The following PXDNL variants were observed in gnomAD, a reference collection of about 807,000 sequenced individuals.
PXDNL encodes peroxidasin like.
PXDNL carries 145 observed loss-of-function variants against 150.8 expected under a neutral mutation model. The ratio of observed to expected loss-of-function variants is 0.96; its 90% confidence interval spans 0.84 to 1.10. The LOEUF (loss-of-function observed/expected upper bound fraction) is 1.10, where lower values mean the gene tolerates loss of function less well. Ranked by LOEUF, PXDNL falls within the 50% of genes least tolerant of loss-of-function variation. PXDNL has a pLI of 0.00. For synonymous variants in PXDNL, 757 were observed against 725.7 expected (o/e 1.04, Z -0.69); for missense variants, 2,087 against 1,873.9 (o/e 1.11, Z -2.10).
chr8:51,795,313 A>C (rs1257244985), intron 1 of PXDNL, among the ~76,000 whole-genome samples: 1 of 152,232 alleles, frequency 6.6e-6, no homozygotes, highest in Non-Finnish European at 1.5e-5. Context: ...TATCTACAGA[A>C]CTCTCCATCC....
chr8:51,808,378 TTC>T (rs2037700758), intron 1 of PXDNL, among the ~76,000 whole-genome samples: 2 of 152,240 alleles, frequency 1.3e-5, no homozygotes, highest in South Asian at 4.1e-4. Flanking sequence ...TGTCGTCTTT[TTC>T]TTTCTTTAAA....
At chr8:51,438,250 C>A (rs1384208671) in intron 12 of PXDNL, among the ~76,000 whole-genome samples, 1 of 152,014 alleles carries the variant, frequency 6.6e-6, no homozygotes. Flanking sequence ...CAAAAGCAGT[C>A]TAAAAATTCA....
At chr8:51,706,815 G>C (rs1206977375) in intron 1 of PXDNL, among the ~76,000 whole-genome samples, 2 of 152,176 alleles carry the variant, frequency 1.3e-5, no homozygotes, top group Admixed American at 6.5e-5. Context: ...TCTTTGCTAA[G>C]AGTGTAATTT....
intron 9 of PXDNL, among the ~76,000 whole-genome samples, chr8:51,454,497 G>A (rs902942186): frequency 8.5e-5 from 13 of 152,140 alleles, no homozygotes; most frequent in Admixed American, 7.2e-4. Flanking sequence ...GATTCATCAA[G>A]TATACATGTA....
chr8:51,496,011 C>T (rs935891835), intron 5 of PXDNL, among the ~76,000 whole-genome samples: 6 of 152,160 alleles, frequency 3.9e-5, no homozygotes, highest in Non-Finnish European at 8.8e-5. Flanking sequence ...CCCTGATGAA[C>T]ATCGATGCAA....
chr8:51,485,280 G>C lies in PXDNL; in HGVS notation c.453-1566C>G, dbSNP rs1416344588. On this transcript the variant is annotated intron_variant, in intron 5 of 22. Transcript: ENST00000356297. Reference sequence around the variant, plus strand: ...CTGATCCTTCCTGTTTTGATTCCCTGTGCTTATCTTTACCGGCCCCATCTA... The same window carrying C: ...CTGATCCTTCCTGTTTTGATTCCCTCTGCTTATCTTTACCGGCCCCATCTA... Among the ~76,000 whole-genome samples, 4 of 152,196 alleles carry C rather than the reference G, an allele frequency of 2.6e-5. No homozygotes were observed. In the East Asian group the frequency reaches 7.7e-4, roughly 29 times the overall value.
intron 17 of PXDNL, among the ~76,000 whole-genome samples, chr8:51,403,207 G>T (rs565687841): frequency 6.6e-6 from 1 of 151,596 alleles, no homozygotes; most frequent in East Asian, 1.9e-4. Context: ...AATAAAATAA[G>T]CTCTTTAAAA....
chr8:51,657,723 C>A (rs903165877), intron 1 of PXDNL, among the ~76,000 whole-genome samples: 2 of 152,120 alleles, frequency 1.3e-5, no homozygotes, highest in African/African-American at 4.8e-5. Context: ...CAGCTACATA[C>A]AATATAATGG....
At chr8:51,651,032 T>G (rs1370255277) in intron 2 of PXDNL, among the ~76,000 whole-genome samples, 1 of 152,196 alleles carries the variant, frequency 6.6e-6, no homozygotes, top group African/African-American at 2.4e-5. Context: ...GAGGATTAAT[T>G]TAGTAAGGTC....
chr8:51,688,026 C>T (rs183042464), intron 1 of PXDNL, among the ~76,000 whole-genome samples: 3 of 152,318 alleles, frequency 2.0e-5, no homozygotes, highest in East Asian at 3.9e-4. Flanking sequence ...TTCTTCTGCT[C>T]AGTGAAGTAG....
chr8:51,624,929 G>A (rs890334256), intron 2 of PXDNL, among the ~76,000 whole-genome samples: 1 of 151,642 alleles, frequency 6.6e-6, no homozygotes, highest in African/African-American at 2.4e-5. Flanking sequence ...TTTACATAAC[G>A]TAATTCTAAA....
chr8:51,350,446 G>A (rs866516409), intron 19 of PXDNL, among the ~76,000 whole-genome samples: 1 of 129,150 alleles, frequency 7.7e-6, no homozygotes, highest in African/African-American at 2.9e-5. Flanking sequence ...TGCAACCTCC[G>A]CCTCCCAGGT....
chr8:51,355,551 G>A (rs1452189016), intron 19 of PXDNL, among the ~76,000 whole-genome samples: 3 of 152,128 alleles, frequency 2.0e-5, no homozygotes, highest in Admixed American at 1.3e-4. Flanking sequence ...CTTGTCTTAG[G>A]AAACATCCCA....
At chr8:51,460,472 C>A (rs1810049838) in intron 8 of PXDNL, among the ~76,000 whole-genome samples, 1 of 139,972 alleles carries the variant, frequency 7.1e-6, no homozygotes, top group South Asian at 2.9e-4. Context: ...CCTTCTCCCA[C>A]CAAGAGAAGC....
chr8:51,764,855 A>C (rs2037210604), intron 1 of PXDNL, among the ~76,000 whole-genome samples: 1 of 152,150 alleles, frequency 6.6e-6, no homozygotes. Context: ...TTTTCTATTT[A>C]CTTGATCTTC....
At chr8:51,561,549 G>A (rs1163006319) in intron 3 of PXDNL, among the ~76,000 whole-genome samples, 4 of 151,698 alleles carry the variant, frequency 2.6e-5, no homozygotes, top group East Asian at 1.9e-4. Context: ...TTAAAAAAAC[G>A]AAGGAAATTC....
chr8:51,609,685 G>A (rs1333703330), intron 2 of PXDNL, among the ~76,000 whole-genome samples: 1 of 152,178 alleles, frequency 6.6e-6, no homozygotes, highest in Non-Finnish European at 1.5e-5. Flanking sequence ...GGAAGAAATG[G>A]GAAATCTCAG....
intron 1 of PXDNL, among the ~76,000 whole-genome samples, chr8:51,664,073 G>A (rs1322439834): frequency 2.7e-5 from 4 of 150,406 alleles, no homozygotes; most frequent in Non-Finnish European, 3.0e-5. Flanking sequence ...AAAAAAGAGC[G>A]AGAAAGAGAG....
chr8:51,538,377 ATCAGAATTCAGAGG>A (rs1174483543), intron 4 of PXDNL, among the ~76,000 whole-genome samples: 1 of 152,172 alleles, frequency 6.6e-6, no homozygotes, highest in African/African-American at 2.4e-5. Context: ...TATAGTTTCA[ATCAGAATTCAGAGG>A]GCTTTTTTTT....
Sources: gnomAD v4.1 joint callset for allele counts (sites outside exome capture counted in the v4.1 genomes callset) on GRCh38, gnomAD v4.1.1 for gene constraint, MANE v1.5 for transcripts, NCBI Gene and HGNC (gene_info 2026-07-23, HGNC 2026-07-21) for gene names.